Variants in SHANK2 observed in about 807,000 individuals in gnomAD.
The protein encoded by SHANK2 is SH3 and multiple ankyrin repeat domains protein 2.
A neutral mutation model predicts 133.7 loss-of-function variants in SHANK2; 43 were observed. The ratio of observed to expected loss-of-function variants is 0.32; its 90% confidence interval spans 0.25 to 0.41. The LOEUF (loss-of-function observed/expected upper bound fraction) is 0.41. SHANK2 is among the 10% of genes least tolerant of loss of function. SHANK2 has a pLI of 1.00. For missense variants in SHANK2, 1,994 were observed against 2,235.8 expected, an observed-to-expected ratio of 0.89 and a Z score of 2.18; for synonymous variants, 1,017 against 952.8, an observed-to-expected ratio of 1.07 and a Z score of -1.24.
At chr11:71,200,736 C>A (rs1954002059) in intron 2 of SHANK2, among the ~76,000 whole-genome samples, 1 of 151,828 alleles carries the variant, frequency 6.6e-6, no homozygotes. Flanking sequence ...TGTCTTCAAG[C>A]CTTTATCTGC....
chr11:70,731,844 C>T (rs1314415183), intron 14 of SHANK2, among the ~76,000 whole-genome samples: 1 of 152,230 alleles, frequency 6.6e-6, no homozygotes, highest in East Asian at 1.9e-4. Context: ...CGAGGTGGAA[C>T]GGCTGATGAG....
chr11:70,949,353 G>A (rs1337149197), intron 10 of SHANK2, among the ~76,000 whole-genome samples: 3 of 152,196 alleles, frequency 2.0e-5, no homozygotes, highest in African/African-American at 7.2e-5. Flanking sequence ...CCGGCAAGCA[G>A]CTCCCCGGGG....
At chr11:71,107,858 C>G (rs545561942) in intron 6 of SHANK2, among the ~76,000 whole-genome samples, 79 of 152,254 alleles carry the variant, frequency 5.2e-4, no homozygotes, top group Admixed American at 4.4e-3. Context: ...AGGACAGGGG[C>G]CAATTACAGG....
chr11:71,174,327 T>C (rs1555112731), intron 2 of SHANK2, among the ~76,000 whole-genome samples: 1 of 152,038 alleles, frequency 6.6e-6, no homozygotes, highest in Non-Finnish European at 1.5e-5. Context: ...ATCATTTGAG[T>C]CCAAGAGTTT....
intron 14 of SHANK2, among the ~76,000 whole-genome samples, chr11:70,725,959 G>A (rs578000195): frequency 1.3e-5 from 2 of 152,174 alleles, no homozygotes; most frequent in Admixed American, 6.5e-5. Context: ...AAAACATGTC[G>A]AAGCAGCTGG....
intron 11 of SHANK2, among the ~76,000 whole-genome samples, chr11:70,891,427 G>A (rs1041092313): frequency 1.1e-4 from 16 of 152,188 alleles, no homozygotes; most frequent in South Asian, 2.1e-4. Context: ...GCGTGAACCC[G>A]GGAGGCGGAG....
chr11:71,195,208 C>T (rs1158039825), intron 2 of SHANK2, among the ~76,000 whole-genome samples: 2 of 152,066 alleles, frequency 1.3e-5, no homozygotes, highest in Non-Finnish European at 2.9e-5. Flanking sequence ...CTGGTTAACA[C>T]AGTGAAACCC....
chr11:71,224,391 C>T (rs923030425), intron 2 of SHANK2, among the ~76,000 whole-genome samples: 4 of 152,186 alleles, frequency 2.6e-5, no homozygotes, highest in Admixed American at 1.3e-4. Context: ...AGCACCTGCA[C>T]CACTCATCTG....
chr11:70,734,199 T>C (rs1386958012), intron 14 of SHANK2, among the ~76,000 whole-genome samples: 1 of 151,870 alleles, frequency 6.6e-6, no homozygotes, highest in Non-Finnish European at 1.5e-5. Context: ...GGGGCAAGGG[T>C]GTGGAGGCCC....
chr11:70,729,920 C>A (rs1374844318), intron 14 of SHANK2, among the ~76,000 whole-genome samples: 1 of 148,376 alleles, frequency 6.7e-6, no homozygotes, highest in South Asian at 2.1e-4. Flanking sequence ...AAAAAAAAGC[C>A]GATAGGTGCC....
intron 10 of SHANK2, chr11:70,948,418 G>A (rs1008632907): frequency 2.0e-5 from 9 of 456,092 alleles, no homozygotes; most frequent in South Asian, 9.3e-5. Flanking sequence ...TAATGAATTC[G>A]ATCCCTGATT....
chr11:70,546,776 G>T (rs1462743651), intron 17 of SHANK2, among the ~76,000 whole-genome samples: 1 of 152,202 alleles, frequency 6.6e-6, no homozygotes. Flanking sequence ...CCTCCCTGCT[G>T]GCTCTGGGTG....
At chr11:70,589,586 A>AG (rs1462555535) in intron 17 of SHANK2, among the ~76,000 whole-genome samples, 1 of 59,368 alleles carries the variant, frequency 1.7e-5, no homozygotes, top group Non-Finnish European at 3.3e-5. Flanking sequence ...TTGACTTTCA[A>AG]GCCTCATATT....
chr11:71,195,853 T>C (rs1190054957), intron 2 of SHANK2, among the ~76,000 whole-genome samples: 1 of 152,212 alleles, frequency 6.6e-6, no homozygotes, highest in Non-Finnish European at 1.5e-5. Context: ...CTGGTGTTGG[T>C]ACCTGCCTGC....
intron 10 of SHANK2, among the ~76,000 whole-genome samples, chr11:70,904,244 G>A (rs1001919590): frequency 5.9e-5 from 9 of 152,196 alleles, no homozygotes; most frequent in Non-Finnish European, 7.3e-5. Flanking sequence ...GACAGTGCTC[G>A]GTGCCCACAG....
At chr11:71,209,380 G>T (rs1420362915) in intron 2 of SHANK2, among the ~76,000 whole-genome samples, 1 of 152,190 alleles carries the variant, frequency 6.6e-6, no homozygotes, top group Admixed American at 6.5e-5. Context: ...GAAAACCCAC[G>T]TGCAGGGCTG....
chr11:70,579,631 C>G (rs1446658060), intron 17 of SHANK2, among the ~76,000 whole-genome samples: 1 of 152,222 alleles, frequency 6.6e-6, no homozygotes, highest in Non-Finnish European at 1.5e-5. Context: ...CCCAGGACCC[C>G]CGGTGTCCCC....
chr11:71,213,317 C>A (rs1010432821), intron 2 of SHANK2, among the ~76,000 whole-genome samples: 18 of 152,134 alleles, frequency 1.2e-4, no homozygotes, highest in African/African-American at 3.6e-4. Context: ...TGTGAGGACG[C>A]CAAGATTACC....
chr11:71,060,464 G>T (rs1393646119), intron 9 of SHANK2, among the ~76,000 whole-genome samples: 1 of 152,268 alleles, frequency 6.6e-6, no homozygotes, highest in Admixed American at 6.5e-5. Flanking sequence ...GGCCTCAAGG[G>T]GGGACGCCAA....
Sources: gnomAD v4.1 joint callset for allele counts (sites outside exome capture counted in the v4.1 genomes callset) on GRCh38, gnomAD v4.1.1 for gene constraint, MANE v1.5 for transcripts, NCBI Gene and HGNC (gene_info 2026-07-23, HGNC 2026-07-21) for gene names.